The following KIAA1217 variants were observed in gnomAD, a reference collection of about 807,000 sequenced individuals.
The protein encoded by KIAA1217 is KIAA1217, also known as sickle tail protein homolog.
KIAA1217 carries 88 observed loss-of-function variants against 163.9 expected under a neutral mutation model. That is an observed-to-expected ratio of 0.54 (90% CI 0.45 to 0.64). The LOEUF (loss-of-function observed/expected upper bound fraction) is 0.64, where lower values mean the gene tolerates loss of function less well. KIAA1217 is among the 30% of genes least tolerant of loss of function. KIAA1217 has a pLI of 0.00. For synonymous variants in KIAA1217, 903 were observed against 923.1 expected (o/e 0.98, Z 0.39); for missense variants, 2,372 against 2,475.0 (o/e 0.96, Z 0.88).
rs201512187 is a variant in KIAA1217 at position 23,830,934 on chromosome 10, TCCAAATGCCCA to T, written c.-321+135702_-321+135712del. ...ATTTCATGTTAAAGCTAGAAGTCTC[TCCAAATGCCCA>T]CAGGTATTGAGTATGACACAGCATT... On this transcript the variant is annotated intron_variant, in intron 1 of 18. Transcript: ENST00000376462. Among the ~76,000 whole-genome samples, 786 of 152,114 alleles carry T rather than the reference TCCAAATGCCCA, an allele frequency of 5.2e-3. 8 individuals are homozygous for T. The highest frequency in any genetic ancestry group is 0.017 in the African/African-American group (709 of 41,482).
chr10:23,928,453 T>C (rs529150520), intron 1 of KIAA1217, among the ~76,000 whole-genome samples: 2 of 152,172 alleles, frequency 1.3e-5, no homozygotes, highest in African/African-American at 2.4e-5. Flanking sequence ...CAAATGATGA[T>C]TTGTTCATTT....
intron 2 of KIAA1217, among the ~76,000 whole-genome samples, chr10:24,162,054 A>G (rs1300102186): frequency 6.6e-6 from 1 of 152,256 alleles, no homozygotes; most frequent in Non-Finnish European, 1.5e-5. Flanking sequence ...CCCAAAGCAC[A>G]CCAGCACAAA....
intron 6 of KIAA1217, among the ~76,000 whole-genome samples, chr10:24,494,091 C>T (rs2066473213): frequency 1.3e-5 from 2 of 152,220 alleles, no homozygotes; most frequent in Non-Finnish European, 2.9e-5. Context: ...CGCAGCCTCC[C>T]AGCTGAGGTG....
chr10:23,935,483 T>A (rs1050293971), intron 1 of KIAA1217, among the ~76,000 whole-genome samples: 1 of 152,196 alleles, frequency 6.6e-6, no homozygotes, highest in South Asian at 2.1e-4. Flanking sequence ...CAATTTAATA[T>A]GCAGTGTAAC....
intron 2 of KIAA1217, among the ~76,000 whole-genome samples, chr10:24,226,133 C>T (rs1369857683): frequency 6.6e-6 from 1 of 152,116 alleles, no homozygotes; most frequent in Non-Finnish European, 1.5e-5. Flanking sequence ...CCAGAATTTC[C>T]TGTCCTCAGA....
At chr10:24,098,045 A>G (rs1213817796) in intron 2 of KIAA1217, among the ~76,000 whole-genome samples, 1 of 152,106 alleles carries the variant, frequency 6.6e-6, no homozygotes, top group Non-Finnish European at 1.5e-5. Context: ...GGAGACCCAG[A>G]AAAAAGGCCA....
intron 3 of KIAA1217, among the ~76,000 whole-genome samples, chr10:24,428,378 GAGATTC>G (rs2066375137): frequency 6.6e-6 from 1 of 152,200 alleles, no homozygotes; most frequent in South Asian, 2.1e-4. Flanking sequence ...TAACAGCATG[GAGATTC>G]TGGAAAACTA....
chr10:23,856,211 G>A, intron 1 of KIAA1217, among the ~76,000 whole-genome samples: 1 of 152,172 alleles, frequency 6.6e-6, no homozygotes, highest in Non-Finnish European at 1.5e-5. Flanking sequence ...CTTTCTGTTT[G>A]TTAGTTTTCC....
intron 9 of KIAA1217, among the ~76,000 whole-genome samples, chr10:24,512,019 G>C (rs2069253087): frequency 1.3e-5 from 2 of 152,114 alleles, no homozygotes; most frequent in South Asian, 4.1e-4. Context: ...TCTACTAAGT[G>C]GTAAAACTGG....
chr10:24,411,058 G>A lies in KIAA1217; in HGVS notation c.554-21937G>A, dbSNP rs1185395718. On this transcript the variant is annotated intron_variant, in intron 3 of 20. Coordinates refer to ENST00000376454, the MANE Select transcript of KIAA1217 (RefSeq NM_019590.5). ...TATTAAAAACAATATCCACAGACCT[G>A]AAGTCAGCAAAGATATCAGAATGTA... Among the ~76,000 whole-genome samples, 8 of 152,142 alleles carry A rather than the reference G, an allele frequency of 5.3e-5. 1 individual carries two copies. Among genetic ancestry groups the A allele is most frequent in the Non-Finnish European group, 8.8e-5 (6 of 68,036 alleles).
chr10:24,385,585 G>T (rs1400878490), intron 3 of KIAA1217, among the ~76,000 whole-genome samples: 1 of 152,176 alleles, frequency 6.6e-6, no homozygotes, highest in Non-Finnish European at 1.5e-5. Context: ...GAAAGAAATT[G>T]ATGGGTTCAG....
At chr10:24,392,859 C>T (rs2055170127) in intron 3 of KIAA1217, among the ~76,000 whole-genome samples, 1 of 152,152 alleles carries the variant, frequency 6.6e-6, no homozygotes, top group South Asian at 2.1e-4. Flanking sequence ...TTTTGTTTCC[C>T]TTTGCCATGA....
chr10:24,076,604 A>T (rs922984328), intron 2 of KIAA1217, among the ~76,000 whole-genome samples: 30 of 152,180 alleles, frequency 2.0e-4, no homozygotes, highest in Non-Finnish European at 4.3e-4. Context: ...AGGAAACCAC[A>T]GCTTGGAAAA....
chr10:24,442,961 A>G lies in KIAA1217; in HGVS notation c.846+4482A>G, dbSNP rs187142250. Among the ~76,000 whole-genome samples, 4 of 142,836 alleles carry G rather than the reference A, an allele frequency of 2.8e-5. No homozygotes were observed. The East Asian group carries it at 8.2e-4, about 29-fold the overall frequency. The allele number at this position is 142,836 out of a possible 152,430, so 93.7% of individuals were successfully genotyped here. ...AGTCTCACTGTGCCATCCAGGCTGG[A>G]GTGCAGTGTTGCAATCTCGGCTCAT... On this transcript the variant is annotated intron_variant, in intron 5 of 20. Coordinates refer to ENST00000376454, the MANE Select transcript of KIAA1217 (RefSeq NM_019590.5).
chr10:24,115,003 A>G (rs2062996224), intron 2 of KIAA1217, among the ~76,000 whole-genome samples: 1 of 152,162 alleles, frequency 6.6e-6, no homozygotes. Flanking sequence ...CTAAAATGCT[A>G]CCTTTTCAGG....
At chr10:24,063,320 G>T (rs2060807133) in intron 2 of KIAA1217, among the ~76,000 whole-genome samples, 1 of 152,134 alleles carries the variant, frequency 6.6e-6, no homozygotes, top group African/African-American at 2.4e-5. Context: ...TTTTGTATAA[G>T]GTGTAAGGAA....
intron 1 of KIAA1217, among the ~76,000 whole-genome samples, chr10:23,979,782 G>A (rs1234825383): frequency 6.6e-6 from 1 of 152,024 alleles, no homozygotes; most frequent in African/African-American, 2.4e-5. Context: ...CTGAATCCAT[G>A]AATTCACCTA....
rs1307298432 is a variant in KIAA1217, at chr10:24,544,999, C to T, written c.5230C>T (p.Gln1744Ter). The change falls in exon 20 of 21, where the codon CAG (glutamine) becomes TAG (stop). Residue 1744 changes from glutamine to a stop codon, truncating the protein, a stop_gained. Transcript: ENST00000376454. LOFTEE classifies it high-confidence loss of function. Reference sequence around the variant, plus strand: ...CCCACAGGGCTCCAGCGGGGCCCCACAGACGAGCAGGATGCCTGTCCCCAT... The same window carrying T: ...CCCACAGGGCTCCAGCGGGGCCCCATAGACGAGCAGGATGCCTGTCCCCAT... The part of the protein sequence containing the change: ...ASRKGSSGAP[Q>*]TSRMPVPMSA... 2 of 1,614,006 alleles carry T rather than the reference C, an allele frequency of 1.2e-6. No individual in the cohort carries two copies. The highest frequency in any genetic ancestry group is 2.2e-5 in the East Asian group (1 of 44,884).
intron 1 of KIAA1217, among the ~76,000 whole-genome samples, chr10:23,738,023 G>T (rs1020170834): frequency 2.0e-5 from 3 of 151,286 alleles, no homozygotes; most frequent in Admixed American, 1.3e-4. Context: ...TAAATAGCAC[G>T]TAGATATATA....
Sources: allele counts gnomAD v4.1 joint callset (sites outside exome capture counted in the v4.1 genomes callset), GRCh38; gene constraint gnomAD v4.1.1; transcripts MANE v1.5; gene names NCBI Gene and HGNC (gene_info 2026-07-23, HGNC 2026-07-21).